The following CSMD1 variants were observed in gnomAD, a reference collection of about 807,000 sequenced individuals.
CSMD1 encodes the protein CUB and Sushi multiple domains 1.
In CSMD1, 213 loss-of-function variants were observed where a neutral mutation model predicts 417.5. That is an observed-to-expected ratio of 0.51 (90% CI 0.46 to 0.57). CSMD1 has a LOEUF of 0.57. Among genes scored for constraint, CSMD1 ranks in the 20% least tolerant of loss-of-function variants. CSMD1 has a pLI of 0.00. For synonymous variants in CSMD1, 2,862 were observed against 1,736.8 expected, an observed-to-expected ratio of 1.65 and a Z score of -16.11; for missense variants, 6,923 against 4,529.7, an observed-to-expected ratio of 1.53 and a Z score of -15.17.
rs141003985 is a variant in CSMD1, at chr8:3,893,922, G to C, written c.818+103981C>G. 2.6e-5 allele frequency among the ~76,000 whole-genome samples: 4 copies of C among 152,172 alleles called. No homozygotes were observed. The East Asian group carries it at 7.7e-4, about 29-fold the overall frequency. On this transcript the variant is annotated intron_variant, in intron 5 of 69. Coordinates refer to ENST00000635120, the MANE Select transcript of CSMD1 (RefSeq NM_033225.6). ...AGACATGCAATTCATGAGCAAGCAT[G>C]TACAGTTACCGCACGTGTGCACCCA...
At chr8:4,903,685 A>C (rs1272745084) in intron 1 of CSMD1, among the ~76,000 whole-genome samples, 2 of 152,208 alleles carry the variant, frequency 1.3e-5, no homozygotes, top group Non-Finnish European at 2.9e-5. Context: ...TTTATACCAA[A>C]GGTTGTAATA....
chr8:4,957,864 A>G (rs1365600322), intron 1 of CSMD1, among the ~76,000 whole-genome samples: 1 of 152,198 alleles, frequency 6.6e-6, no homozygotes. Flanking sequence ...TCACTCTGCC[A>G]GCCCCTGCAA....
intron 3 of CSMD1, among the ~76,000 whole-genome samples, chr8:4,158,577 G>C (rs574426026): frequency 1.3e-5 from 2 of 152,286 alleles, no homozygotes; most frequent in South Asian, 2.1e-4. Context: ...TGACAGAACA[G>C]TCCTCGTTCC....
chr8:4,042,300 A>T (rs1007217897), intron 3 of CSMD1, among the ~76,000 whole-genome samples: 3 of 152,154 alleles, frequency 2.0e-5, no homozygotes, highest in African/African-American at 7.2e-5. Flanking sequence ...TGGGGGTAGG[A>T]GTAATGTTCT....
chr8:3,485,996 T>C (rs1184848314), intron 11 of CSMD1, among the ~76,000 whole-genome samples: 1 of 151,932 alleles, frequency 6.6e-6, no homozygotes, highest in African/African-American at 2.4e-5. Flanking sequence ...TTAGGCAGCA[T>C]TTTTTTCCTC....
intron 3 of CSMD1, among the ~76,000 whole-genome samples, chr8:4,190,899 G>T (rs1484739061): frequency 2.0e-5 from 3 of 150,330 alleles, no homozygotes; most frequent in Non-Finnish European, 4.4e-5. Context: ...GCTAAATTGT[G>T]AGAACACATG....
chr8:4,364,511 C>T (rs560025252), intron 3 of CSMD1, among the ~76,000 whole-genome samples: 1 of 152,240 alleles, frequency 6.6e-6, no homozygotes, highest in East Asian at 1.9e-4. Context: ...TCTACATTGT[C>T]AGTTAAAACA....
intron 40 of CSMD1, among the ~76,000 whole-genome samples, chr8:3,147,130 G>GA (rs1818893238): frequency 6.6e-6 from 1 of 152,162 alleles, no homozygotes; most frequent in Non-Finnish European, 1.5e-5. Context: ...GTCAATCAAG[G>GA]AAACAGATAT....
intron 5 of CSMD1, among the ~76,000 whole-genome samples, chr8:3,850,964 A>G (rs1240423068): frequency 6.6e-6 from 1 of 152,240 alleles, no homozygotes; most frequent in African/African-American, 2.4e-5. Context: ...GTTATATAAA[A>G]TAACAGATGA....
At position 4,276,708 on chromosome 8, in the gene CSMD1, T is replaced by C. The variant is rs569638465; in HGVS notation, c.415+143245A>G. On this transcript the variant is annotated intron_variant, in intron 3 of 69. Coordinates refer to ENST00000635120, the MANE Select transcript of CSMD1 (RefSeq NM_033225.6). Reference sequence around the variant, plus strand: ...AACGAAGTCTTTAGTTCCAGTGGGATCCCAATTTTAATAAATAAAAGGAAA... The same window carrying C: ...AACGAAGTCTTTAGTTCCAGTGGGACCCCAATTTTAATAAATAAAAGGAAA... 6.6e-5 allele frequency among the ~76,000 whole-genome samples: 10 copies of C among 152,292 alleles called. No individual in the cohort carries two copies. In the East Asian group the frequency reaches 1.9e-3, roughly 29 times the overall value.
At chr8:3,346,850 G>A (rs1045560158) in intron 22 of CSMD1, among the ~76,000 whole-genome samples, 4 of 152,206 alleles carry the variant, frequency 2.6e-5, no homozygotes, top group Admixed American at 6.5e-5. Flanking sequence ...TAAATTAATT[G>A]AAAAACCCTA....
intron 3 of CSMD1, among the ~76,000 whole-genome samples, chr8:4,100,715 A>G (rs905303223): frequency 6.6e-6 from 1 of 152,176 alleles, no homozygotes; most frequent in Non-Finnish European, 1.5e-5. Context: ...TTTTCCTCAT[A>G]AACTTCCACA....
chr8:4,542,297 A>C (rs1797426137), intron 2 of CSMD1, among the ~76,000 whole-genome samples: 1 of 152,194 alleles, frequency 6.6e-6, no homozygotes. Context: ...AAACCCATGA[A>C]TATGTTAATA....
chr8:3,603,196 T>A (rs1801446062), intron 8 of CSMD1, among the ~76,000 whole-genome samples: 1 of 152,198 alleles, frequency 6.6e-6, no homozygotes, highest in South Asian at 2.1e-4. Context: ...TGATGCTCTT[T>A]GAAAGAGCAG....
chr8:3,378,681 T>G (rs1032692544), intron 18 of CSMD1, among the ~76,000 whole-genome samples: 2 of 152,182 alleles, frequency 1.3e-5, no homozygotes, highest in South Asian at 4.1e-4. Flanking sequence ...AGAAAAGGCC[T>G]TCAATAAACT....
At position 3,052,504 on chromosome 8, in the gene CSMD1, C is replaced by T; in HGVS notation, c.7618G>A (p.Asp2540Asn). ...TTCCCCTTGTTACTCCACAACCCAT[C>T]TTCTTGACACACGGCTGTTGCTTGC... ...SQQATAVCQE[D>N]GLWSNKGKPP... Residue 2540 changes from aspartate to asparagine, a missense_variant, in exon 50 of 70, where the codon GAT becomes AAT. Transcript: ENST00000635120. 1 of 1,597,490 alleles carries T rather than the reference C, an allele frequency of 6.3e-7. No homozygotes were observed. The highest frequency in any genetic ancestry group is 8.5e-7 in the Non-Finnish European group (1 of 1,171,522).
At chr8:4,172,067 C>A (rs1797793801) in intron 3 of CSMD1, among the ~76,000 whole-genome samples, 1 of 152,170 alleles carries the variant, frequency 6.6e-6, no homozygotes, top group East Asian at 1.9e-4. Context: ...TAAAGTATCT[C>A]TTTCTCAGGG....
At chr8:4,224,510 T>C (rs1801229494) in intron 3 of CSMD1, among the ~76,000 whole-genome samples, 1 of 152,164 alleles carries the variant, frequency 6.6e-6, no homozygotes, top group African/African-American at 2.4e-5. Flanking sequence ...GTCTACTAAA[T>C]GCCCTCTTCG....
In CSMD1 at chr8:4,417,704, A is replaced by C. The variant is rs138270535; in HGVS notation, c.415+2249T>G. 6.7e-3 allele frequency among the ~76,000 whole-genome samples: 1,016 copies of C among 152,140 alleles called. 7 individuals carry two copies. The highest frequency in any genetic ancestry group is 0.016 in the African/African-American group (663 of 41,552). On this transcript the variant is annotated intron_variant, in intron 3 of 69. Transcript: ENST00000635120. ...AATAAAAACTAATGGGAAAAGAGGAAATCTGAGGTATCAGAAAGAGAATTT... is the reference window on the plus strand; with the variant it reads ...AATAAAAACTAATGGGAAAAGAGGACATCTGAGGTATCAGAAAGAGAATTT...
Sources: gnomAD v4.1 joint callset for allele counts (sites outside exome capture counted in the v4.1 genomes callset) on GRCh38, gnomAD v4.1.1 for gene constraint, MANE v1.5 for transcripts, NCBI Gene and HGNC (gene_info 2026-07-23, HGNC 2026-07-21) for gene names.